Variants in ERICH3 observed in about 807,000 individuals in gnomAD.
ERICH3 encodes glutamate-rich protein 3.
A neutral mutation model predicts 131.1 loss-of-function variants in ERICH3; 126 were observed. The observed-to-expected ratio is 0.96, with a 90% CI of 0.83 to 1.11. The LOEUF is 1.11. ERICH3 is among the 50% of genes most tolerant of loss of function. The pLI is 0.00. For missense variants in ERICH3, 2,050 were observed against 1,810.7 expected (o/e 1.13, Z -2.40); for synonymous variants, 695 against 644.6 (o/e 1.08, Z -1.18).
At chr1:74,634,351 G>C (rs1224523432) in intron 6 of ERICH3, among the ~76,000 whole-genome samples, 1 of 152,046 alleles carries the variant, frequency 6.6e-6, no homozygotes, top group Non-Finnish European at 1.5e-5. Context: ...TGAAAAGTGA[G>C]TTTAGCTAGT....
intron 9 of ERICH3, among the ~76,000 whole-genome samples, chr1:74,611,422 G>T: frequency 6.6e-6 from 1 of 151,896 alleles, no homozygotes; most frequent in Non-Finnish European, 1.5e-5. Context: ...CTCTTCTCTG[G>T]ATTAAAGCAG....
At chr1:74,583,164 A>C (rs1193369049) in intron 12 of ERICH3, among the ~76,000 whole-genome samples, 1 of 152,156 alleles carries the variant, frequency 6.6e-6, no homozygotes, top group African/African-American at 2.4e-5. Flanking sequence ...TAAGAAGGAA[A>C]GTTCAAGAAA....
intron 11 of ERICH3, among the ~76,000 whole-genome samples, chr1:74,595,045 C>A (rs1475536068): frequency 6.6e-6 from 1 of 152,108 alleles, no homozygotes; most frequent in Non-Finnish European, 1.5e-5. Flanking sequence ...CCATCCAATT[C>A]TCTCCTTCCT....
rs372742954 is a variant in ERICH3, at chr1:74,571,234, C to A, written c.4476G>T (p.Gln1492His). Residue 1492 changes from glutamine (Q) to histidine (H), a missense_variant, in exon 14 of 15, where the codon CAG becomes CAT. Gln to His is a conservative substitution (Grantham distance 24). Transcript: ENST00000326665. ...GERELSPESL[Q>H]AMATLPVKPD... ...GCTTCACTGGAAGTGTTGCCATCGC[C>A]TGTAGACTCTCCGGACTCAATTCCC... The A allele has an allele frequency of 6.2e-7, 1 of 1,614,104 alleles. No individual in the cohort carries two copies. The highest frequency in any genetic ancestry group is 1.7e-5 in the Admixed American group (1 of 60,014).
intron 4 of ERICH3, among the ~76,000 whole-genome samples, chr1:74,641,819 C>G (rs2100634779): frequency 6.6e-6 from 1 of 152,156 alleles, no homozygotes; most frequent in South Asian, 2.1e-4. Flanking sequence ...AAAAGTGTTC[C>G]ATGTTTTAAA....
intron 6 of ERICH3, 51 bp downstream of exon 6, chr1:74,636,229 A>G (rs1463463103): frequency 9.8e-6 from 14 of 1,425,630 alleles, no homozygotes; most frequent in African/African-American, 1.5e-5. Flanking sequence ...AATAACCTAT[A>G]ATAATCTACT....
intron 2 of ERICH3, among the ~76,000 whole-genome samples, chr1:74,648,319 T>C (rs1646502767): frequency 6.6e-6 from 1 of 152,154 alleles, no homozygotes; most frequent in South Asian, 2.1e-4. Flanking sequence ...TTATTGCACA[T>C]CTCTAACTGC....
chr1:74,643,660 G>A (rs1362214913), intron 3 of ERICH3, among the ~76,000 whole-genome samples: 1 of 152,088 alleles, frequency 6.6e-6, no homozygotes, highest in East Asian at 1.9e-4. Context: ...GTGCTAGGAA[G>A]GTGCTTCACA....
intron 8 of ERICH3, 80 bp from the exon 9 acceptor site, chr1:74,612,889 T>A (rs1332698253): frequency 2.5e-6 from 3 of 1,211,172 alleles, no homozygotes; most frequent in Non-Finnish European, 3.4e-6. Context: ...TTCTATTAGA[T>A]AAACACAATA....
At chr1:74,669,070 C>A (rs1226139841) in intron 1 of ERICH3, among the ~76,000 whole-genome samples, 2 of 151,798 alleles carry the variant, frequency 1.3e-5, no homozygotes, top group African/African-American at 4.8e-5. Flanking sequence ...CCTGGATACA[C>A]ATACTCTGTA....
intron 8 of ERICH3, among the ~76,000 whole-genome samples, chr1:74,617,390 A>G (rs946941400): frequency 8.5e-5 from 13 of 152,226 alleles, no homozygotes; most frequent in African/African-American, 3.1e-4. Context: ...AGCAACATGT[A>G]TCTACCCAAA....
Position 74,649,315 on chromosome 1 carries a change from C to A in ERICH3, c.24G>T (p.Gly8=), listed in dbSNP as rs1646512102. 1 of 1,606,764 alleles carries A rather than the reference C, an allele frequency of 6.2e-7. No homozygotes were observed. Among genetic ancestry groups the A allele is most frequent in the Non-Finnish European group, 8.5e-7 (1 of 1,176,456 alleles). MSHSHPA[G]LLAAYNSLMD... is the part of the protein sequence containing the mutation. ...TAAGGCTATTATATGCAGCAAGTAACCTAAAATACAAAAATAAAACCAATA... is the reference window on the plus strand; with the variant it reads ...TAAGGCTATTATATGCAGCAAGTAAACTAAAATACAAAAATAAAACCAATA... Residue 8 remains glycine (G), a splice_region_variant and synonymous_variant, in exon 2 of 15, where the codon GGG becomes GGT. Transcript: ENST00000326665.
chr1:74,606,567 A>G (rs757181167), intron 10 of ERICH3, 34 bp downstream of exon 10: 11 of 1,552,526 alleles, frequency 7.1e-6, no homozygotes, highest in South Asian at 1.2e-5. Flanking sequence ...AAACAGCCAC[A>G]GCTACAACAA....
intron 13 of ERICH3, among the ~76,000 whole-genome samples, chr1:74,573,821 G>A (rs539298525): frequency 2.0e-5 from 3 of 152,130 alleles, no homozygotes; most frequent in Admixed American, 1.3e-4. Context: ...CTTGGAATCA[G>A]CAAAATCTCC....
upstream of ERICH3, among the ~76,000 whole-genome samples, chr1:74,674,178 T>C (rs1029227859): frequency 6.6e-6 from 1 of 152,184 alleles, no homozygotes; most frequent in Non-Finnish European, 1.5e-5. Flanking sequence ...AATCGACTCA[T>C]TTTCTCCTTG....
chr1:74,641,210 T>C, intron 5 of ERICH3, 121 bp downstream of exon 5: 1 of 1,138,024 alleles, frequency 8.8e-7, no homozygotes, highest in South Asian at 1.5e-5. Context: ...GACTATATTT[T>C]CATTCAGTAG....
intron 4 of ERICH3, among the ~76,000 whole-genome samples, chr1:74,642,456 A>G (rs1378512883): frequency 6.6e-6 from 1 of 152,156 alleles, no homozygotes; most frequent in Admixed American, 6.6e-5. Flanking sequence ...ATTTAACTGA[A>G]TATCTCATCT....
intron 1 of ERICH3, 27 bp downstream of exon 1, chr1:74,673,470 C>G: frequency 6.2e-7 from 1 of 1,610,650 alleles, no homozygotes; most frequent in Non-Finnish European, 8.5e-7. Flanking sequence ...CCTGCCACAG[C>G]GTGGAAAAGC....
rs544697284 is a variant in ERICH3, at chr1:74,583,300, T to A, written c.2176+6331A>T. On this transcript the variant is annotated intron_variant, in intron 12 of 14. Coordinates refer to ENST00000326665, the MANE Select transcript of ERICH3 (RefSeq NM_001002912.5). Reference sequence around the variant, plus strand: ...ATATACATTCCACAACCCTAGCAGATGCTTAAAACAGTAGATAGTATCAAA... The same window carrying A: ...ATATACATTCCACAACCCTAGCAGAAGCTTAAAACAGTAGATAGTATCAAA... Among the ~76,000 whole-genome samples the A allele has an allele frequency of 2.6e-5, 4 of 152,276 alleles. No individual in the cohort carries two copies. The East Asian group carries it at 7.7e-4, about 29-fold the overall frequency.
Sources: allele counts gnomAD v4.1 joint callset (sites outside exome capture counted in the v4.1 genomes callset), GRCh38; gene constraint gnomAD v4.1.1; transcripts MANE v1.5; gene names NCBI Gene and HGNC (gene_info 2026-07-23, HGNC 2026-07-21).